Variants in KIF23 observed in about 807,000 individuals in gnomAD.
KIF23 encodes the protein kinesin-like protein KIF23.
KIF23 carries 30 observed loss-of-function variants against 137.5 expected under a neutral mutation model. The observed-to-expected ratio is 0.22, with a 90% confidence interval of 0.16 to 0.30. KIF23 has a LOEUF of 0.30. KIF23 is among the 10% of genes least tolerant of loss of function. The probability of loss-of-function intolerance (pLI) is 1.00; values close to 1 mark genes in which losing one functional copy is unlikely to be tolerated. For synonymous variants in KIF23, 367 were observed against 391.1 expected, an observed-to-expected ratio of 0.94 and a Z score of 0.73; for missense variants, 920 against 1,194.3, an observed-to-expected ratio of 0.77 and a Z score of 3.38.
chr15:69,416,119 CTTT>C, intron 2 of KIF23, 56 bp downstream of exon 2: 2 of 1,141,708 alleles, frequency 1.8e-6, no homozygotes, highest in Admixed American at 2.6e-5. Context: ...CTCTTCAGTC[CTTT>C]CTGTCTTATG....
chr15:69,425,299 C>A lies in KIF23; in HGVS notation c.752C>A (p.Thr251Lys), dbSNP rs1416281171. 3 of 1,536,014 alleles carry A rather than the reference C, an allele frequency of 2.0e-6. No individual in the cohort carries two copies. The highest frequency in any genetic ancestry group is 3.9e-5 in the Admixed American group (2 of 50,994). ...PIKPKWNSCS[T>K]PMRNTDFVPP... ...TTTGGTAGGTGGAACAGTTGCAGCACACCCATGAGGAACACAGATTTTGTG... is the reference window on the plus strand; with the variant it reads ...TTTGGTAGGTGGAACAGTTGCAGCAAACCCATGAGGAACACAGATTTTGTG... Residue 251 changes from threonine (T) to lysine (K), a missense_variant, in exon 8 of 24, where the codon ACA becomes AAA. This residue lies in a region of KIF23 where 714 missense variants were observed against 866.2 expected (regional missense o/e 0.82). Coordinates refer to ENST00000679126, the MANE Select transcript of KIF23 (RefSeq NM_001367805.3).
Position 69,426,284 on chromosome 15 carries a change from A to G in KIF23, c.890-52A>G, listed in dbSNP as rs564317364. 234 of 1,609,954 alleles carry G rather than the reference A, an allele frequency of 1.5e-4. 4 individuals are homozygous for G. The South Asian group carries it at 2.5e-3, about 17-fold the overall frequency. On this transcript the variant is annotated intron_variant, in intron 9 of 23. Coordinates refer to ENST00000679126, the MANE Select transcript of KIF23 (RefSeq NM_001367805.3). ...TTTTTTGACTTATTAGAAAGCATGT[A>G]TAATGAAATGACTGAGTTCAGGTTT...
intron 3 of KIF23, among the ~76,000 whole-genome samples, chr15:69,418,345 A>G (rs1183173987): frequency 6.6e-6 from 1 of 151,984 alleles, no homozygotes; most frequent in Non-Finnish European, 1.5e-5. Flanking sequence ...TCAACATTCA[A>G]CCACTTACTT....
intron 10 of KIF23, among the ~76,000 whole-genome samples, chr15:69,426,815 A>G (rs906232643): frequency 3.3e-5 from 5 of 152,234 alleles, no homozygotes; most frequent in Non-Finnish European, 7.3e-5. Context: ...TTCTACATCT[A>G]TAGATTCAAC....
At chr15:69,419,919 G>A (rs1595980357) in intron 3 of KIF23, among the ~76,000 whole-genome samples, 1 of 152,104 alleles carries the variant, frequency 6.6e-6, no homozygotes, top group South Asian at 2.1e-4. Flanking sequence ...AAGGTTTGAT[G>A]GGGATTAAAA....
rs765475231 is a variant in KIF23 at position 69,436,255 on chromosome 15, G to A, written c.1432G>A (p.Gly478Arg). 1.2e-6 allele frequency: 2 copies of A among 1,613,396 alleles called. No individual in the cohort carries two copies. ...RYRNQPRGPV[G>R]NEPLVTDVVL... Reference sequence around the variant, plus strand: ...CAGAAACCAGCCTCGAGGTCCAGTTGGAAATGGTATGATTTGGTGTTGTAT... The same window carrying A: ...CAGAAACCAGCCTCGAGGTCCAGTTAGAAATGGTATGATTTGGTGTTGTAT... The change falls in exon 14 of 24, where the codon GGA becomes AGA. Residue 478 changes from glycine to arginine, a missense_variant. By Grantham distance (125) the Gly-to-Arg change is moderately radical. This residue lies in a region of KIF23 where 714 missense variants were observed against 866.2 expected (regional missense o/e 0.82). Transcript: ENST00000679126.
At chr15:69,437,043 C>G (rs1455460050) in intron 15 of KIF23, among the ~76,000 whole-genome samples, 2 of 152,198 alleles carry the variant, frequency 1.3e-5, no homozygotes, top group African/African-American at 2.4e-5. Context: ...GCATGAGCCA[C>G]CACTCCCAGC....
At chr15:69,432,273 A>G (rs987797566) in intron 11 of KIF23, among the ~76,000 whole-genome samples, 2 of 152,194 alleles carry the variant, frequency 1.3e-5, no homozygotes, top group Non-Finnish European at 2.9e-5. Context: ...GGTTTTTAGA[A>G]GTGGTACACT....
chr15:69,443,242 A>G (rs1468017754), intron 19 of KIF23, among the ~76,000 whole-genome samples: 2 of 151,836 alleles, frequency 1.3e-5, no homozygotes, highest in Non-Finnish European at 2.9e-5. Context: ...TGCATTTTGA[A>G]ATTGAGGTCT....
chr15:69,424,708 AG>A (rs1270913332), intron 7 of KIF23, among the ~76,000 whole-genome samples: 1 of 152,062 alleles, frequency 6.6e-6, no homozygotes, highest in Non-Finnish European at 1.5e-5. Context: ...GGGTCTCACT[AG>A]GTTGCCCAGG....
intron 14 of KIF23, 82 bp downstream of exon 14, chr15:69,436,343 A>C (rs933069305): frequency 6.7e-7 from 1 of 1,502,772 alleles, no homozygotes; most frequent in East Asian, 2.3e-5. Flanking sequence ...TTCATTTAAG[A>C]GAAATGTTTA....
At position 69,421,708 on chromosome 15, in the gene KIF23, T is replaced by G; in HGVS notation, c.272T>G (p.Val91Gly). ...THTTQKELFD[V>G]VANPLVNDLI... ...ACCACCCAGAAGGAACTCTTTGATG[T>G]TGTGGCTAATCCCTTGGTCAATGAC... Residue 91 changes from valine (V) to glycine (G), a missense_variant, in exon 4 of 24, where the codon GTT becomes GGT. Transcript: ENST00000679126. The G allele has an allele frequency of 6.2e-7, 1 of 1,613,878 alleles. No individual in the cohort carries two copies.
At chr15:69,427,284 T>C (rs975122168) in intron 10 of KIF23, 4 of 404,498 alleles carry the variant, frequency 9.9e-6, no homozygotes, top group Non-Finnish European at 1.9e-5. Context: ...CCATAGGAGA[T>C]CCTACAACTA....
intron 11 of KIF23, among the ~76,000 whole-genome samples, chr15:69,430,393 G>C (rs940316287): frequency 6.6e-6 from 1 of 152,068 alleles, no homozygotes; most frequent in African/African-American, 2.4e-5. Flanking sequence ...CCTACTATGT[G>C]CCAGGAATTA....
At chr15:69,441,525 A>G (rs2057620565) in intron 19 of KIF23, among the ~76,000 whole-genome samples, 1 of 152,192 alleles carries the variant, frequency 6.6e-6, no homozygotes, top group Non-Finnish European at 1.5e-5. Context: ...AGCAAAGTAG[A>G]AAGAATAGTA....
chr15:69,419,013 A>T (rs1223678776), intron 3 of KIF23, among the ~76,000 whole-genome samples: 6 of 152,190 alleles, frequency 3.9e-5, no homozygotes, highest in African/African-American at 1.4e-4. Context: ...GCTACTCAGT[A>T]GCCTGAGACA....
At chr15:69,426,521 T>G (rs537873487) in intron 10 of KIF23, 64 bp downstream of exon 10, 2 of 1,563,132 alleles carry the variant, frequency 1.3e-6, no homozygotes, top group Non-Finnish European at 1.7e-6. Flanking sequence ...GGAATTAGAG[T>G]AATCCAGCCA....
chr15:69,418,370 G>A (rs1015417229), intron 3 of KIF23, among the ~76,000 whole-genome samples: 7 of 152,020 alleles, frequency 4.6e-5, no homozygotes, highest in Non-Finnish European at 7.4e-5. Flanking sequence ...TCTCTGCTTG[G>A]ATGTCACATG....
At chr15:69,420,706 TGAGACA>T (rs1405349705) in intron 3 of KIF23, among the ~76,000 whole-genome samples, 5 of 152,344 alleles carry the variant, frequency 3.3e-5, no homozygotes, top group Non-Finnish European at 4.4e-5. Flanking sequence ...TTTTCTTTTT[TGAGACA>T]GGGTCTCACT....
Sources: gnomAD v4.1 joint callset for allele counts (sites outside exome capture counted in the v4.1 genomes callset) on GRCh38, gnomAD v4.1.1 for gene constraint, gnomAD v4.1.1 regional missense constraint, MANE v1.5 for transcripts, NCBI Gene and HGNC (gene_info 2026-07-23, HGNC 2026-07-21) for gene names.